The following COX10 variants were observed in gnomAD, a reference collection of about 807,000 sequenced individuals.
COX10 encodes cytochrome c oxidase assembly factor heme A:farnesyltransferase COX10, also known as protoheme IX farnesyltransferase, mitochondrial.
COX10 carries 27 observed loss-of-function variants against 37.3 expected under a neutral mutation model. The observed-to-expected ratio is 0.72, with a 90% CI of 0.53 to 1.00. The LOEUF (loss-of-function observed/expected upper bound fraction) is 1.00. Ranked by LOEUF, COX10 falls within the 50% of genes least tolerant of loss-of-function variation. The pLI, the probability that COX10 is intolerant of heterozygous loss-of-function variation, is 0.00. For synonymous variants in COX10, 222 were observed against 229.1 expected, an observed-to-expected ratio of 0.97 and a Z score of 0.28; for missense variants, 475 against 563.2, an observed-to-expected ratio of 0.84 and a Z score of 1.59.
chr17:14,074,831 C>T (rs546964398), intron 2 of COX10, among the ~76,000 whole-genome samples: 35 of 152,328 alleles, frequency 2.3e-4, no homozygotes, highest in Non-Finnish European at 4.0e-4. Flanking sequence ...GTGTGACCCT[C>T]TCATTTTCTT....
chr17:14,093,304 A>C (rs1915569219), intron 3 of COX10, among the ~76,000 whole-genome samples: 1 of 152,146 alleles, frequency 6.6e-6, no homozygotes, highest in Admixed American at 6.6e-5. Flanking sequence ...ACAGAGAAAT[A>C]AGAAAAGGAA....
chr17:14,100,358 C>T (rs1915749326), intron 3 of COX10, among the ~76,000 whole-genome samples: 1 of 152,156 alleles, frequency 6.6e-6, no homozygotes, highest in African/African-American at 2.4e-5. Flanking sequence ...AGACAGGGGT[C>T]CTACCTTCAT....
intron 4 of COX10, among the ~76,000 whole-genome samples, chr17:14,128,759 C>T (rs1455495135): frequency 6.6e-6 from 1 of 152,222 alleles, no homozygotes; most frequent in Non-Finnish European, 1.5e-5. Flanking sequence ...TGAGTTACAG[C>T]AGGACTATAG....
chr17:14,110,800 T>C (rs1473148316), intron 4 of COX10, among the ~76,000 whole-genome samples: 2 of 152,084 alleles, frequency 1.3e-5, no homozygotes, highest in Non-Finnish European at 2.9e-5. Flanking sequence ...ACTGTGTGGC[T>C]GATCCCTGGG....
intron 3 of COX10, among the ~76,000 whole-genome samples, chr17:14,091,351 A>G (rs914931674): frequency 6.6e-6 from 1 of 152,182 alleles, no homozygotes; most frequent in East Asian, 1.9e-4. Context: ...GGTTTGACAA[A>G]CTATTGATTT....
intron 4 of COX10, among the ~76,000 whole-genome samples, chr17:14,135,164 A>G (rs1916550838): frequency 6.6e-6 from 1 of 151,834 alleles, no homozygotes; most frequent in Non-Finnish European, 1.5e-5. Flanking sequence ...TAGAAATTTT[A>G]TATAGTATTC....
At chr17:14,102,422 G>A (rs1400397445) in intron 4 of COX10, among the ~76,000 whole-genome samples, 180 bp downstream of exon 4, 3 of 152,068 alleles carry the variant, frequency 2.0e-5, no homozygotes, top group African/African-American at 7.2e-5. Context: ...GAGGTGAATG[G>A]TTTTCAGATA....
chr17:14,150,494 G>GT (rs1431938141), intron 4 of COX10, among the ~76,000 whole-genome samples: 1 of 152,188 alleles, frequency 6.6e-6, no homozygotes, highest in Non-Finnish European at 1.5e-5. Context: ...GAGTCAAACC[G>GT]TTGTAGGTTT....
intron 5 of COX10, among the ~76,000 whole-genome samples, chr17:14,167,697 A>C (rs1159742374): frequency 6.6e-6 from 1 of 152,214 alleles, no homozygotes; most frequent in Non-Finnish European, 1.5e-5. Context: ...AGAGAGAAAC[A>C]GCAAAGGGAG....
At chr17:14,124,469 T>C (rs1916293156) in intron 4 of COX10, among the ~76,000 whole-genome samples, 1 of 152,172 alleles carries the variant, frequency 6.6e-6, no homozygotes, top group Non-Finnish European at 1.5e-5. Context: ...TATTTTTTCT[T>C]ACTCTGTTCA....
chr17:14,125,506 C>T (rs546059274), intron 4 of COX10, among the ~76,000 whole-genome samples: 4 of 152,138 alleles, frequency 2.6e-5, no homozygotes, highest in South Asian at 2.1e-4. Flanking sequence ...CAGAGCCAGA[C>T]GATGAAATGC....
intron 4 of COX10, among the ~76,000 whole-genome samples, chr17:14,123,496 A>G (rs1916269938): frequency 6.6e-6 from 1 of 152,158 alleles, no homozygotes. Flanking sequence ...ATTTTTTTCC[A>G]GCGTAGATAA....
chr17:14,171,851 C>G (rs560626672), intron 5 of COX10, among the ~76,000 whole-genome samples: 3 of 152,030 alleles, frequency 2.0e-5, no homozygotes, highest in Non-Finnish European at 4.4e-5. Flanking sequence ...AATTCACTTT[C>G]TTTCCCAAAT....
chr17:14,128,854 A>AT (rs1012856775), intron 4 of COX10, among the ~76,000 whole-genome samples: 2 of 151,880 alleles, frequency 1.3e-5, no homozygotes, highest in African/African-American at 2.4e-5. Context: ...TATTTTATTT[A>AT]TTTTTTTTGA....
intron 6 of COX10, among the ~76,000 whole-genome samples, chr17:14,199,263 G>T (rs1297531244): frequency 6.6e-6 from 1 of 152,172 alleles, no homozygotes; most frequent in African/African-American, 2.4e-5. Flanking sequence ...AGATGACGGT[G>T]TGCCAGCCTC....
chr17:14,184,499 T>A (rs1355426886), intron 5 of COX10, among the ~76,000 whole-genome samples: 1 of 152,194 alleles, frequency 6.6e-6, no homozygotes, highest in Non-Finnish European at 1.5e-5. Flanking sequence ...CATACTCATC[T>A]CCCAGAATCA....
At chr17:14,110,821 G>A (rs564669146) in intron 4 of COX10, among the ~76,000 whole-genome samples, 16 of 151,834 alleles carry the variant, frequency 1.1e-4, no homozygotes, top group Non-Finnish European at 1.8e-4. Flanking sequence ...AGACTGTATC[G>A]TTTCTTTGTC....
intron 6 of COX10, among the ~76,000 whole-genome samples, chr17:14,203,783 G>C (rs1567614386): frequency 6.6e-6 from 1 of 152,150 alleles, no homozygotes; most frequent in Non-Finnish European, 1.5e-5. Flanking sequence ...GTAGCCCCCA[G>C]CTCCCTTTTT....
chr17:14,189,079 C>T (rs970404270), intron 5 of COX10, among the ~76,000 whole-genome samples: 1 of 114,118 alleles, frequency 8.8e-6, no homozygotes, highest in Non-Finnish European at 1.8e-5. Context: ...TCATTTTCTT[C>T]TTTTTTTTTT....
Sources: allele counts gnomAD v4.1 joint callset (sites outside exome capture counted in the v4.1 genomes callset), GRCh38; gene constraint gnomAD v4.1.1; transcripts MANE v1.5; gene names NCBI Gene and HGNC (gene_info 2026-07-23, HGNC 2026-07-21).